The following RABGAP1L variants were observed in gnomAD, a reference collection of about 807,000 sequenced individuals.
RABGAP1L encodes the protein rab GTPase-activating protein 1-like.
Under a neutral mutation model 137.7 loss-of-function variants are expected in RABGAP1L, and 63 were observed. That is an observed-to-expected ratio of 0.46 (90% confidence interval 0.37 to 0.56). The LOEUF (loss-of-function observed/expected upper bound fraction) is 0.56, where lower values mean the gene tolerates loss of function less well. RABGAP1L is among the 20% of genes least tolerant of loss of function. RABGAP1L has a pLI of 0.00. For missense variants in RABGAP1L, 1,095 were observed against 1,244.0 expected, an observed-to-expected ratio of 0.88 and a Z score of 1.80; for synonymous variants, 431 against 433.7, an observed-to-expected ratio of 0.99 and a Z score of 0.08.
At position 174,969,345 on chromosome 1, in the gene RABGAP1L, A is replaced by G; in HGVS notation, c.2502A>G (p.Glu834=). Residue 834 remains glutamate, a synonymous_variant, in exon 21 of 26, where the codon GAA becomes GAG. Coordinates refer to ENST00000681986, the MANE Select transcript of RABGAP1L (RefSeq NM_001366446.1). ...AAGAGAATGATGACCTTGCCCATGA[A>G]CTAGTAACAAGCAAAATTGCTCTAC... The part of the protein sequence containing the change: ...LEQENDDLAH[E]LVTSKIALRN... 1 of 1,550,722 alleles carries G rather than the reference A, an allele frequency of 6.4e-7. No individual in the cohort carries two copies. The highest frequency in any genetic ancestry group is 8.7e-7 in the Non-Finnish European group (1 of 1,146,978).
intron 13 of RABGAP1L, among the ~76,000 whole-genome samples, chr1:174,541,744 C>G (rs550821912): frequency 2.6e-5 from 4 of 152,174 alleles, no homozygotes; most frequent in Non-Finnish European, 5.9e-5. Context: ...CCACTGCACT[C>G]CAGCCTGGGT....
intron 10 of RABGAP1L, among the ~76,000 whole-genome samples, chr1:174,304,225 C>T (rs1322708877): frequency 1.3e-5 from 2 of 151,936 alleles, no homozygotes; most frequent in Non-Finnish European, 2.9e-5. Flanking sequence ...GTGGATTATG[C>T]TGATTGATTT....
chr1:174,291,134 C>T (rs1056539526), intron 10 of RABGAP1L, among the ~76,000 whole-genome samples: 1 of 152,116 alleles, frequency 6.6e-6, no homozygotes. Context: ...ATCTGAATGC[C>T]TATAAATTCT....
At chr1:174,900,068 G>A (rs538059703) in intron 19 of RABGAP1L, among the ~76,000 whole-genome samples, 1 of 152,288 alleles carries the variant, frequency 6.6e-6, no homozygotes, top group South Asian at 2.1e-4. Flanking sequence ...AACAAAACTA[G>A]CAATTGCAAC....
At chr1:174,177,532 GT>G (rs1310405219) in intron 1 of RABGAP1L, among the ~76,000 whole-genome samples, 2 of 152,122 alleles carry the variant, frequency 1.3e-5, no homozygotes, top group Non-Finnish European at 2.9e-5. Context: ...TGCTTTTGGC[GT>G]TTTAGTCATG....
chr1:174,290,644 A>G (rs1558103965), intron 10 of RABGAP1L, among the ~76,000 whole-genome samples: 1 of 152,128 alleles, frequency 6.6e-6, no homozygotes, highest in Non-Finnish European at 1.5e-5. Flanking sequence ...ATTACTATAA[A>G]TTGTATTCTT....
chr1:174,370,975 G>T lies in RABGAP1L; in HGVS notation c.1466-4G>T, dbSNP rs202232904. The T allele has an allele frequency of 1.4e-6, 2 of 1,453,996 alleles. No homozygotes were observed. The highest frequency in any genetic ancestry group is 1.9e-6 in the Non-Finnish European group (2 of 1,074,302). The allele number at this position is 1,453,996 out of a possible 1,614,324, so 90.1% of individuals were successfully genotyped here. A position where few individuals can be genotyped will look rare whatever the true frequency, so the allele number is the denominator to read the frequency against. ...GTTTGTTGGTTTTTGCGTTTCTTCT[G>T]CAGAGAGTGATAATGAACTCTCAAG... On this transcript the variant is annotated splice_region_variant and splice_polypyrimidine_tract_variant and intron_variant, in intron 11 of 25. Coordinates refer to ENST00000681986, the MANE Select transcript of RABGAP1L (RefSeq NM_001366446.1).
intron 13 of RABGAP1L, among the ~76,000 whole-genome samples, chr1:174,452,019 A>G (rs1346733691): frequency 1.3e-5 from 2 of 152,208 alleles, no homozygotes; most frequent in African/African-American, 4.8e-5. Context: ...TTTATTTACT[A>G]TAGTATTTTA....
At chr1:174,424,292 G>T (rs1038381984) in intron 13 of RABGAP1L, among the ~76,000 whole-genome samples, 4 of 151,990 alleles carry the variant, frequency 2.6e-5, no homozygotes, top group African/African-American at 9.7e-5. Context: ...CAGACTTTGT[G>T]CCTTTAGCTT....
At chr1:174,423,739 C>T (rs1356446679) in intron 13 of RABGAP1L, among the ~76,000 whole-genome samples, 1 of 151,978 alleles carries the variant, frequency 6.6e-6, no homozygotes, top group Non-Finnish European at 1.5e-5. Context: ...TCCTCCCTTT[C>T]TTATAGGGAA....
At chr1:174,176,713 GAAAAAAAAAAAAA>G (rs71563251) in intron 1 of RABGAP1L, among the ~76,000 whole-genome samples, 10 of 21,550 alleles carry the variant, frequency 4.6e-4, no homozygotes, top group African/African-American at 8.7e-4. Context: ...CCCTTTTTCA[GAAAAAAAAAAAAA>G]AAAAAAAAAA....
rs371193736 is a variant in RABGAP1L, at chr1:174,989,880, A to G, written c.3035A>G (p.Asn1012Ser). ...GAACATCAGAGAGGAGCCCTTATGA[A>G]TGAAATCCAAGCTGCGAAAAACTCT... ...ELEHQRGALM[N>S]EIQAAKNSWF... is the part of the protein sequence containing the mutation. Residue 1012 changes from asparagine to serine, a missense_variant, in exon 26 of 26, where the codon AAT becomes AGT. Around this residue, in one of 4 missense-constraint regions of RABGAP1L, gnomAD observed 312 missense variants for 435.6 expected, o/e 0.72. Transcript: ENST00000681986. The G allele has an allele frequency of 3.7e-4, 579 of 1,550,688 alleles. 2 individuals carry two copies. In the Middle Eastern group the frequency reaches 5.8e-3, roughly 16 times the overall value.
At chr1:174,941,686 G>A (rs983722016) in intron 19 of RABGAP1L, among the ~76,000 whole-genome samples, 41 of 150,406 alleles carry the variant, frequency 2.7e-4, no homozygotes, top group Middle Eastern at 3.4e-3. Flanking sequence ...CCACCAAAAC[G>A]AAACAAAACA....
intron 14 of RABGAP1L, among the ~76,000 whole-genome samples, chr1:174,646,479 A>G (rs988988092): frequency 6.6e-6 from 1 of 152,150 alleles, no homozygotes; most frequent in African/African-American, 2.4e-5. Flanking sequence ...TACTTTCCCC[A>G]TTGCTAGTTT....
intron 7 of RABGAP1L, among the ~76,000 whole-genome samples, chr1:174,255,236 A>G (rs1316149368): frequency 6.6e-6 from 1 of 152,208 alleles, no homozygotes; most frequent in Non-Finnish European, 1.5e-5. Flanking sequence ...AAAATTGATG[A>G]AAAAGAGCTG....
At chr1:174,339,707 A>G (rs965556986) in intron 11 of RABGAP1L, among the ~76,000 whole-genome samples, 2 of 151,928 alleles carry the variant, frequency 1.3e-5, no homozygotes, top group Non-Finnish European at 2.9e-5. Context: ...CCCAGGTTCA[A>G]TTGATTCTCC....
intron 1 of RABGAP1L, among the ~76,000 whole-genome samples, chr1:174,182,157 C>T (rs1026526805): frequency 3.9e-5 from 6 of 152,002 alleles, no homozygotes; most frequent in African/African-American, 1.5e-4. Context: ...CTTTACTTAA[C>T]CCTAATTGGC....
intron 13 of RABGAP1L, among the ~76,000 whole-genome samples, chr1:174,463,703 G>C (rs1475585267): frequency 6.6e-6 from 1 of 151,486 alleles, no homozygotes; most frequent in African/African-American, 2.4e-5. Context: ...GGCCAACAAA[G>C]ATATGAAAAA....
chr1:174,834,306 A>G (rs2148923421), intron 19 of RABGAP1L, among the ~76,000 whole-genome samples: 1 of 152,136 alleles, frequency 6.6e-6, no homozygotes, highest in East Asian at 1.9e-4. Flanking sequence ...CACGCATGTA[A>G]TCCCAGCTAC....
Sources: gnomAD v4.1 joint callset for allele counts (sites outside exome capture counted in the v4.1 genomes callset) on GRCh38, gnomAD v4.1.1 for gene constraint, gnomAD v4.1.1 regional missense constraint, MANE v1.5 for transcripts, NCBI Gene and HGNC (gene_info 2026-07-23, HGNC 2026-07-21) for gene names.